MACROH2A2: variants seen among roughly 807,000 people sequenced by gnomAD.
MACROH2A2 encodes core histone macro-H2A.2.
MACROH2A2 carries 6 observed loss-of-function variants against 37.6 expected under a neutral mutation model. The observed-to-expected ratio is 0.16, with a 90% CI of 0.09 to 0.32. MACROH2A2 has a LOEUF of 0.32. Among genes scored for constraint, MACROH2A2 ranks in the 10% least tolerant of loss-of-function variants. The probability of loss-of-function intolerance (pLI) is 1.00; values close to 1 mark genes in which losing one functional copy is unlikely to be tolerated. For synonymous variants in MACROH2A2, 192 were observed against 202.7 expected (o/e 0.95, Z 0.45); for missense variants, 290 against 485.9 (o/e 0.60, Z 3.79).
intron 2 of MACROH2A2, among the ~76,000 whole-genome samples, chr10:70,077,653 C>T (rs1589834100): frequency 2.0e-5 from 3 of 152,036 alleles, no homozygotes; most frequent in South Asian, 2.1e-4. Context: ...GGGCAGATCA[C>T]GAGGTCAGGA....
Position 70,090,265 on chromosome 10 carries a change from A to G in MACROH2A2, c.279+99A>G, listed in dbSNP as rs2072236774. 3 of 749,032 alleles carry G rather than the reference A, an allele frequency of 4.0e-6. No homozygotes were observed. The African/African-American group carries it at 5.3e-5, about 13-fold the overall frequency. The allele number at this position is 749,032 out of a possible 1,614,324, so 46.4% of individuals were successfully genotyped here. A position where few individuals can be genotyped will look rare whatever the true frequency, so the allele number is the denominator to read the frequency against. On this transcript the variant is annotated intron_variant, in intron 3 of 8. Coordinates refer to ENST00000373255, the MANE Select transcript of MACROH2A2 (RefSeq NM_018649.3). ...TGAGTCACTCCTGCTACAGTTCCCA[A>G]TTACATTTATACAAAAAAAACTCAG...
chr10:70,079,499 G>GCC (rs2072160506), intron 2 of MACROH2A2, among the ~76,000 whole-genome samples: 2 of 151,768 alleles, frequency 1.3e-5, no homozygotes, highest in Non-Finnish European at 2.9e-5. Context: ...TGAAATGGGG[G>GCC]CAGGGCAGCA....
rs146848867 is a variant in MACROH2A2 at position 70,068,716 on chromosome 10, C to G, written c.-59-6884C>G. The stretch of plus-strand genomic sequence containing the variant: ...CATCGGGAGCTGGTAGTGGTGGGGT[C>G]CCACAGAGGCCAACTATGGCTGTAT... On this transcript the variant is annotated intron_variant, in intron 1 of 8. Coordinates refer to ENST00000373255, the MANE Select transcript of MACROH2A2 (RefSeq NM_018649.3). Among the ~76,000 whole-genome samples, 605 of 152,298 alleles carry G rather than the reference C, an allele frequency of 4.0e-3. 3 individuals are homozygous for G. The highest frequency in any genetic ancestry group is 0.014 in the African/African-American group (578 of 41,560).
At chr10:70,093,680 AC>A in intron 4 of MACROH2A2, 54 bp from the exon 5 acceptor site, 1 of 916,116 alleles carries the variant, frequency 1.1e-6, no homozygotes, top group South Asian at 1.4e-5. Flanking sequence ...TAATAAAGGC[AC>A]CTCAGGCTTT....
At chr10:70,088,766 T>G (rs2072226656) in intron 2 of MACROH2A2, among the ~76,000 whole-genome samples, 1 of 152,170 alleles carries the variant, frequency 6.6e-6, no homozygotes, top group Non-Finnish European at 1.5e-5. Flanking sequence ...TTCCATCCAC[T>G]TTTCTTTTAG....
At chr10:70,063,834 G>A (rs1589830592) in intron 1 of MACROH2A2, among the ~76,000 whole-genome samples, 2 of 152,198 alleles carry the variant, frequency 1.3e-5, no homozygotes, top group East Asian at 3.8e-4. Flanking sequence ...GAAATTTCCA[G>A]AAGACTGAAA....
At chr10:70,079,644 A>G (rs866182088) in intron 2 of MACROH2A2, among the ~76,000 whole-genome samples, 5 of 150,440 alleles carry the variant, frequency 3.3e-5, no homozygotes, top group Admixed American at 1.3e-4. Flanking sequence ...CAGCATCTGC[A>G]AGGCATCACT....
chr10:70,057,590 C>T (rs1389817021), intron 1 of MACROH2A2, among the ~76,000 whole-genome samples: 1 of 152,118 alleles, frequency 6.6e-6, no homozygotes, highest in Non-Finnish European at 1.5e-5. Flanking sequence ...TCAGGGTTTT[C>T]CTAGAGTTAA....
chr10:70,067,670 A>C (rs1238938253), intron 1 of MACROH2A2, among the ~76,000 whole-genome samples: 1 of 152,230 alleles, frequency 6.6e-6, no homozygotes, highest in Non-Finnish European at 1.5e-5. Flanking sequence ...GCAAGTATAG[A>C]AGACAGAAGT....
intron 2 of MACROH2A2, among the ~76,000 whole-genome samples, chr10:70,080,352 G>A (rs1456988590): frequency 1.3e-5 from 2 of 152,034 alleles, no homozygotes; most frequent in African/African-American, 2.4e-5. Flanking sequence ...GGAGAATGGT[G>A]CCTGTACCTG....
chr10:70,054,351 G>A (rs7078870), intron 1 of MACROH2A2, among the ~76,000 whole-genome samples: 8,712 of 152,262 alleles, frequency 0.057, 536 homozygotes, highest in East Asian at 0.24. Context: ...CAGTTACCCT[G>A]TCACAGCCAC....
Position 70,095,710 on chromosome 10 carries a change from T to C in MACROH2A2, c.645T>C (p.Ile215=), listed in dbSNP as rs1357547886. The C allele has an allele frequency of 6.9e-6, 11 of 1,603,480 alleles. No individual in the cohort carries two copies. Among genetic ancestry groups the C allele is most frequent in the Non-Finnish European group, 9.4e-6 (11 of 1,170,262 alleles). Residue 215 remains isoleucine, a synonymous_variant, in exon 6 of 9, where the codon ATT becomes ATC. Coordinates refer to ENST00000373255, the MANE Select transcript of MACROH2A2 (RefSeq NM_018649.3). ...SHIGSMRVEG[I]VHPTTAEIDL... Reference sequence around the variant, plus strand: ...TTGGCTCCATGAGAGTGGAGGGCATTGTCCACCCAACCACAGCCGAAATTG... The same window carrying C: ...TTGGCTCCATGAGAGTGGAGGGCATCGTCCACCCAACCACAGCCGAAATTG...
chr10:70,072,549 A>G (rs1457920429), intron 1 of MACROH2A2, among the ~76,000 whole-genome samples: 2 of 152,218 alleles, frequency 1.3e-5, no homozygotes, highest in African/African-American at 4.8e-5. Flanking sequence ...CAAGTATTAT[A>G]TACTATACAT....
chr10:70,110,726 AT>A (rs2072367128), intron 8 of MACROH2A2, among the ~76,000 whole-genome samples: 1 of 150,290 alleles, frequency 6.7e-6, no homozygotes, highest in South Asian at 2.1e-4. Flanking sequence ...TCTACAAAAA[AT>A]TTAAAAAAAA....
intron 2 of MACROH2A2, among the ~76,000 whole-genome samples, chr10:70,083,720 G>A (rs1564544212): frequency 6.6e-6 from 1 of 150,786 alleles, no homozygotes; most frequent in Non-Finnish European, 1.5e-5. Context: ...AGTGTCTCTA[G>A]CCCCAACCTG....
intron 7 of MACROH2A2, among the ~76,000 whole-genome samples, chr10:70,100,648 A>G (rs962377432): frequency 1.5e-5 from 2 of 134,358 alleles, no homozygotes; most frequent in African/African-American, 2.7e-5. Context: ...AAAGAGTCTC[A>G]CTCTGTCGCC....
At chr10:70,090,287 T>G in intron 3 of MACROH2A2, 121 bp downstream of exon 3, 1 of 668,772 alleles carries the variant, frequency 1.5e-6, no homozygotes, top group Non-Finnish European at 2.7e-6. Context: ...CAAAAAAAAC[T>G]CAGGCCATAT....
intron 1 of MACROH2A2, among the ~76,000 whole-genome samples, chr10:70,061,251 G>A (rs1332740132): frequency 6.6e-6 from 1 of 152,234 alleles, no homozygotes; most frequent in Non-Finnish European, 1.5e-5. Context: ...TGGACCCAGT[G>A]AGGGTGTTTT....
chr10:70,069,725 C>T (rs534521250), intron 1 of MACROH2A2, among the ~76,000 whole-genome samples: 1 of 151,542 alleles, frequency 6.6e-6, no homozygotes, highest in Admixed American at 6.6e-5. Context: ...TTAATATTAG[C>T]CTGAAGAAAA....
Sources: allele counts gnomAD v4.1 joint callset (sites outside exome capture counted in the v4.1 genomes callset), GRCh38; gene constraint gnomAD v4.1.1; transcripts MANE v1.5; gene names NCBI Gene and HGNC (gene_info 2026-07-23, HGNC 2026-07-21).